The following CEP104 variants were observed in gnomAD, a reference collection of about 807,000 sequenced individuals.
CEP104 encodes the protein centrosomal protein of 104 kDa.
A neutral mutation model predicts 113.3 loss-of-function variants in CEP104; 84 were observed. The observed-to-expected ratio is 0.74, with a 90% CI of 0.62 to 0.89. The LOEUF (loss-of-function observed/expected upper bound fraction) is 0.89. CEP104 is among the 40% of genes least tolerant of loss of function. CEP104 has a pLI of 0.00. For synonymous variants in CEP104, 378 were observed against 421.7 expected, an observed-to-expected ratio of 0.90 and a Z score of 1.27; for missense variants, 1,053 against 1,156.6, an observed-to-expected ratio of 0.91 and a Z score of 1.30.
At chr1:3,841,979 CCA>C (rs1370375390) in intron 6 of CEP104, among the ~76,000 whole-genome samples, 3 of 152,224 alleles carry the variant, frequency 2.0e-5, no homozygotes, top group African/African-American at 7.2e-5. Flanking sequence ...CGCTCCTTCC[CCA>C]CAGTGCTTCC....
chr1:3,828,023 C>T (rs1298910465), intron 15 of CEP104, among the ~76,000 whole-genome samples: 1 of 152,016 alleles, frequency 6.6e-6, no homozygotes, highest in Non-Finnish European at 1.5e-5. Context: ...CATAGGCGAC[C>T]CCGGGACAGA....
At chr1:3,854,708 C>T (rs529992235) in intron 1 of CEP104, among the ~76,000 whole-genome samples, 1 of 147,750 alleles carries the variant, frequency 6.8e-6, no homozygotes, top group Admixed American at 6.9e-5. Context: ...TGGTCTCGAA[C>T]TCCTGGCCAA....
intron 5 of CEP104, 36 bp downstream of exon 5, chr1:3,845,253 T>C: frequency 2.1e-6 from 3 of 1,414,406 alleles, no homozygotes; most frequent in Middle Eastern, 1.8e-4. Context: ...TATAAATAGA[T>C]TTACTTCCTT....
In CEP104 at chr1:3,825,825, T is replaced by A; in HGVS notation, c.2297A>T (p.Glu766Val). The A allele has an allele frequency of 6.2e-7, 1 of 1,613,874 alleles. No individual in the cohort carries two copies. Among genetic ancestry groups the A allele is most frequent in the Non-Finnish European group, 8.5e-7 (1 of 1,179,740 alleles). The part of the protein sequence containing the change: ...FCGERSESFT[E>V]EGLDLHYWKH... ...CCAGTAGTGGAGATCCAGACCTTCCTCTGTGAAGGATTCACTCCTTTCCCC... is the reference window on the plus strand; with the variant it reads ...CCAGTAGTGGAGATCCAGACCTTCCACTGTGAAGGATTCACTCCTTTCCCC... The change falls in exon 18 of 22, where the codon GAG becomes GTG. Residue 766 changes from glutamate to valine, a missense_variant. By Grantham distance (121) the Glu-to-Val change is moderately radical. Coordinates refer to ENST00000378230, the MANE Select transcript of CEP104 (RefSeq NM_014704.4).
At chr1:3,821,956 T>C (rs1380459830) in intron 20 of CEP104, among the ~76,000 whole-genome samples, 2 of 152,334 alleles carry the variant, frequency 1.3e-5, no homozygotes, top group African/African-American at 2.4e-5. Context: ...GCAATGTGAC[T>C]GACGTCTGGA....
At chr1:3,856,756 C>T (rs1449025906) in intron 1 of CEP104, 133 bp downstream of exon 1, 1 of 152,114 alleles carries the variant, frequency 6.6e-6, no homozygotes, top group Non-Finnish European at 1.5e-5. Flanking sequence ...ACCGTCCGCG[C>T]TTGCACCGCG....
At position 3,844,976 on chromosome 1, in the gene CEP104, C is replaced by G. The variant is rs149119607; in HGVS notation, c.497G>C (p.Arg166Pro). 4 of 1,613,936 alleles carry G rather than the reference C, an allele frequency of 2.5e-6. No individual in the cohort carries two copies. In the African/African-American group the frequency reaches 5.3e-5, roughly 22 times the overall value. ...AAGGTAGTGGTCAATCAACTTCTCTCGAGAGGCCTTTGGGGGCAAAACATC... is the reference window on the plus strand; with the variant it reads ...AAGGTAGTGGTCAATCAACTTCTCTGGAGAGGCCTTTGGGGGCAAAACATC... Reference protein sequence around the residue: ...DFSDESNTASREKLIDHYLGH... With the variant: ...DFSDESNTASPEKLIDHYLGH... The change falls in exon 6 of 22, where the codon CGA (arginine) becomes CCA (proline). Residue 166 changes from arginine to proline, a missense_variant. Physicochemically the swap from Arg to Pro is moderately radical, Grantham distance 103. Transcript: ENST00000378230.
chr1:3,851,512 G>C (rs1644610824), intron 2 of CEP104, among the ~76,000 whole-genome samples: 1 of 152,180 alleles, frequency 6.6e-6, no homozygotes. Flanking sequence ...GGATGGGGTG[G>C]AGGGTGGGTT....
chr1:3,851,965 T>G (rs948378295), intron 2 of CEP104, among the ~76,000 whole-genome samples: 1 of 152,122 alleles, frequency 6.6e-6, no homozygotes, highest in African/African-American at 2.4e-5. Flanking sequence ...ACTCACAATC[T>G]CTGCACAGAA....
chr1:3,845,688 G>A (rs753923874), intron 4 of CEP104, among the ~76,000 whole-genome samples: 6 of 151,942 alleles, frequency 3.9e-5, no homozygotes, highest in Non-Finnish European at 7.4e-5. Flanking sequence ...ATATCAAAGC[G>A]TATTAATTGT....
At position 3,819,893 on chromosome 1, in the gene CEP104, G is replaced by A. The variant is rs571573872; in HGVS notation, c.2571+3281C>T. Among the ~76,000 whole-genome samples the A allele has an allele frequency of 1.1e-3, 168 of 152,200 alleles. No homozygotes were observed. Among genetic ancestry groups the A allele is most frequent in the Non-Finnish European group, 1.4e-3 (92 of 68,034 alleles). On this transcript the variant is annotated intron_variant, in intron 20 of 21. Transcript: ENST00000378230. The surrounding 1 kb of genome is among the most constrained non-coding windows in gnomAD (Gnocchi z 4.6). Reference sequence around the variant, plus strand: ...CAGAGAGGCCCCCGGTGCTGACGGTGGGGGCCTCTAGGAGTTGAGTGGCTC... The same window carrying A: ...CAGAGAGGCCCCCGGTGCTGACGGTAGGGGCCTCTAGGAGTTGAGTGGCTC...
At chr1:3,829,679 C>T in intron 14 of CEP104, 112 bp downstream of exon 14, 1 of 1,153,320 alleles carries the variant, frequency 8.7e-7, no homozygotes, top group South Asian at 1.3e-5. Flanking sequence ...GACGCCGGGG[C>T]TTCCCATACA....
chr1:3,830,860 C>G (rs920142863), intron 13 of CEP104, among the ~76,000 whole-genome samples, 186 bp downstream of exon 13: 9 of 152,114 alleles, frequency 5.9e-5, no homozygotes, highest in African/African-American at 2.2e-4. Flanking sequence ...CACCATGCAC[C>G]ACCGAGTAGG....
At position 3,834,994 on chromosome 1, in the gene CEP104, T is replaced by C. The variant is rs1445378864; in HGVS notation, c.1416A>G (p.Glu472=). Residue 472 remains glutamate (E), a synonymous_variant, in exon 11 of 22, where the codon GAA becomes GAG. Transcript: ENST00000378230. The stretch of plus-strand genomic sequence containing the variant: ...ATGCTCTCAGTGTGTTCTTTAAATC[T>C]TCTTTTGGGGTTCCAACAGGCATTT... ...LMEMPVGTPK[E]DLKNTLRASV... is the part of the protein sequence containing the mutation. The C allele has an allele frequency of 1.2e-6, 2 of 1,613,804 alleles. No homozygotes were observed. The highest frequency in any genetic ancestry group is 1.7e-6 in the Non-Finnish European group (2 of 1,179,836).
Position 3,837,505 on chromosome 1 carries a change from A to C in CEP104, c.906T>G (p.Phe302Leu), listed in dbSNP as rs529153686. Reference sequence around the variant, plus strand: ...GAGCGAGGGGCTGGAGGGGCAAATCAAAAGGTCTTCGCATCTAGAGAACAA... The same window carrying C: ...GAGCGAGGGGCTGGAGGGGCAAATCCAAAGGTCTTCGCATCTAGAGAACAA... ...LLDAELMRRP[F>L]DLPLQPLARS... The change falls in exon 9 of 22, where the codon TTT (phenylalanine) becomes TTG (leucine). Residue 302 changes from phenylalanine (F) to leucine (L), a missense_variant. Transcript: ENST00000378230. 1.1e-4 allele frequency: 170 copies of C among 1,614,222 alleles called. 2 individuals carry two copies. The South Asian group carries it at 1.7e-3, about 16-fold the overall frequency.
At chr1:3,838,506 T>C (rs1214783927) in intron 8 of CEP104, among the ~76,000 whole-genome samples, 4 of 152,194 alleles carry the variant, frequency 2.6e-5, no homozygotes, top group Non-Finnish European at 5.9e-5. Context: ...CATTTCCTAA[T>C]CTGTAACGTG....
At chr1:3,855,456 G>C (rs926306427) in intron 1 of CEP104, among the ~76,000 whole-genome samples, 64 of 151,636 alleles carry the variant, frequency 4.2e-4, no homozygotes, top group African/African-American at 1.5e-3. Context: ...GGCGTGAGCC[G>C]CCGAGCCTGG....
intron 6 of CEP104, among the ~76,000 whole-genome samples, chr1:3,842,159 C>T (rs1199688302): frequency 6.6e-6 from 1 of 152,246 alleles, no homozygotes; most frequent in African/African-American, 2.4e-5. Flanking sequence ...GCGATTTTGG[C>T]TCGCTGCAAG....
intron 1 of CEP104, among the ~76,000 whole-genome samples, chr1:3,855,154 G>GA: frequency 6.7e-6 from 1 of 149,002 alleles, no homozygotes; most frequent in East Asian, 2.0e-4. Flanking sequence ...TTACAGGCGT[G>GA]GCCAATAAGC....
Sources: allele counts gnomAD v4.1 joint callset (sites outside exome capture counted in the v4.1 genomes callset), GRCh38; gene constraint gnomAD v4.1.1; non-coding constraint Gnocchi (gnomAD v3.1); transcripts MANE v1.5; gene names NCBI Gene and HGNC (gene_info 2026-07-23, HGNC 2026-07-21).